Variants in AATK observed in about 807,000 individuals in gnomAD.
AATK encodes lemur tail kinase 1, also known as serine/threonine-protein kinase LMTK1.
A neutral mutation model predicts 114.3 loss-of-function variants in AATK; 91 were observed. The observed-to-expected ratio is 0.80, with a 90% CI of 0.67 to 0.95. The LOEUF is 0.95. Ranked by LOEUF, AATK falls within the 40% of genes least tolerant of loss-of-function variation. The probability of loss-of-function intolerance (pLI) is 0.00; values close to 1 mark genes in which losing one functional copy is unlikely to be tolerated. For synonymous variants in AATK, 1,075 were observed against 916.5 expected (o/e 1.17, Z -3.12); for missense variants, 2,176 against 1,965.2 (o/e 1.11, Z -2.03).
intron 1 of AATK, chr17:81,160,366 G>T: frequency 1.8e-6 from 1 of 548,104 alleles, no homozygotes; most frequent in Non-Finnish European, 2.3e-6. Context: ...CGGTCCCTGC[G>T]GAGGGAGGCT....
chr17:81,136,329 C>A (rs1021789476), intron 1 of AATK: 1 of 152,312 alleles, frequency 6.6e-6, no homozygotes, highest in Non-Finnish European at 1.5e-5. Flanking sequence ...AGCCCTGGGG[C>A]TGGACAGGCC....
chr17:81,141,359 G>A (rs2061135557), intron 1 of AATK, among the ~76,000 whole-genome samples: 1 of 152,230 alleles, frequency 6.6e-6, no homozygotes, highest in Non-Finnish European at 1.5e-5. Flanking sequence ...GCTGAGGCAG[G>A]AGAATTGCTG....
At chr17:81,138,093 C>T (rs1224042022) in intron 1 of AATK, among the ~76,000 whole-genome samples, 3 of 150,876 alleles carry the variant, frequency 2.0e-5, no homozygotes, top group Admixed American at 6.6e-5. Flanking sequence ...TGTGCACACA[C>T]GCGGACACAT....
At chr17:81,147,650 G>A (rs945337313) in intron 1 of AATK, among the ~76,000 whole-genome samples, 173 of 152,234 alleles carry the variant, frequency 1.1e-3, no homozygotes, top group Non-Finnish European at 6.0e-4. Flanking sequence ...CAGCTACTCC[G>A]GAGGCTGAGG....
At position 81,121,237 on chromosome 17, in the gene AATK, G is replaced by C. The variant is rs1043287564; in HGVS notation, c.2699C>G (p.Pro900Arg). The change falls in exon 11 of 14, where the codon CCC (proline) becomes CGC (arginine). Residue 900 changes from proline (P) to arginine (R), a missense_variant. By Grantham distance (103) the Pro-to-Arg change is moderately radical. Around this residue, in one of 4 missense-constraint regions of AATK, gnomAD observed 1,701 missense variants for 1,394.7 expected, o/e 1.22. Coordinates refer to ENST00000326724, the MANE Select transcript of AATK (RefSeq NM_001080395.3). ...FRSLQKQVGTPDSLDSLDIPS... is the reference protein window; with the variant it reads ...FRSLQKQVGTRDSLDSLDIPS... ...GATGTCCAGGGAGTCCAGGGAGTCG[G>C]GGGTCCCCACCTGCTTCTGCAGAGA... The C allele has an allele frequency of 6.2e-7, 1 of 1,607,098 alleles. No homozygotes were observed.
At chr17:81,129,544 AC>A (rs779800191) in intron 3 of AATK, among the ~76,000 whole-genome samples, 4 of 152,056 alleles carry the variant, frequency 2.6e-5, no homozygotes, top group Non-Finnish European at 5.9e-5. Context: ...TTCTGACCTC[AC>A]CCCAATCTCT....
chr17:81,139,008 C>T (rs1181299996), intron 1 of AATK, among the ~76,000 whole-genome samples: 2 of 151,312 alleles, frequency 1.3e-5, no homozygotes, highest in Non-Finnish European at 3.0e-5. Context: ...CATGCACGCA[C>T]CCCACACACC....
chr17:81,163,016 T>A (rs1378472737), intron 1 of AATK, among the ~76,000 whole-genome samples: 1 of 152,194 alleles, frequency 6.6e-6, no homozygotes, highest in Admixed American at 6.5e-5. Flanking sequence ...ATCACAGCCA[T>A]TCCCACCTTA....
chr17:81,125,432 C>T (rs1023729094), intron 7 of AATK: 22 of 444,654 alleles, frequency 4.9e-5, no homozygotes, highest in Non-Finnish European at 8.5e-5. Context: ...CCTGGAGTGT[C>T]CCAGGGGTCC....
chr17:81,121,663 G>A lies in AATK; in HGVS notation c.2273C>T (p.Pro758Leu), dbSNP rs1457274515. The change falls in exon 11 of 14, where the codon CCC becomes CTC. Residue 758 changes from proline (P) to leucine (L), a missense_variant. Pro to Leu is a moderately conservative substitution (Grantham distance 98). Transcript: ENST00000326724. Reference protein sequence around the residue: ...LCSAQGLAPAPCLVTPSWTET... With the variant: ...LCSAQGLAPALCLVTPSWTET... ...TGTCCAGGAGGGTGTAACCAGGCAG[G>A]GAGCAGGTGCCAGGCCCTGGGCAGA... 2.7e-6 allele frequency: 4 copies of A among 1,499,418 alleles called. No individual in the cohort carries two copies. The highest frequency in any genetic ancestry group is 4.5e-5 in the Admixed American group (2 of 44,032). The allele number at this position is 1,499,418 out of a possible 1,614,324, so 92.9% of individuals were successfully genotyped here.
chr17:81,125,965 G>A (rs753488014), intron 7 of AATK: 16 of 479,748 alleles, frequency 3.3e-5, no homozygotes, highest in Admixed American at 4.5e-5. Flanking sequence ...GCCGTGCGGC[G>A]TCTGGGGCTG....
intron 2 of AATK, among the ~76,000 whole-genome samples, chr17:81,133,692 C>A (rs1013498283): frequency 6.6e-6 from 1 of 152,012 alleles, no homozygotes; most frequent in Non-Finnish European, 1.5e-5. Context: ...CTCAGAGTTA[C>A]AGCTGGAGGT....
In AATK at chr17:81,122,103, C is replaced by T. The variant is rs752036027; in HGVS notation, c.1833G>A (p.Ser611=). The change falls in exon 11 of 14, where the codon TCG becomes TCA. Residue 611 remains serine (S), a synonymous_variant. Coordinates refer to ENST00000326724, the MANE Select transcript of AATK (RefSeq NM_001080395.3). ...RDPLCPSRSP[S]PSAGPLSLAE... The stretch of plus-strand genomic sequence containing the variant: ...CCAGACTCAGGGGCCCCGCCGAGGG[C>T]GAGGGAGAGCGTGAGGGGCAGAGCG... The T allele has an allele frequency of 2.4e-5, 37 of 1,566,862 alleles. No homozygotes were observed. In the East Asian group the frequency reaches 4.2e-4, roughly 18 times the overall value.
rs1397183614 is a variant in AATK at position 81,122,289 on chromosome 17, G to A, written c.1647C>T (p.Gly549=). The A allele has an allele frequency of 1.2e-5, 18 of 1,503,266 alleles. No individual in the cohort carries two copies. Among genetic ancestry groups the A allele is most frequent in the Non-Finnish European group, 1.6e-5 (18 of 1,133,112 alleles). The allele number at this position is 1,503,266 out of a possible 1,614,324, so 93.1% of individuals were successfully genotyped here. ...PAAGHDPDCA[G]CAPSPPATAD... is the part of the protein sequence containing the mutation. Reference sequence around the variant, plus strand: ...CGGTGGCAGGTGGACTGGGGGCGCAGCCGGCGCAGTCAGGGTCGTGGCCGG... The same window carrying A: ...CGGTGGCAGGTGGACTGGGGGCGCAACCGGCGCAGTCAGGGTCGTGGCCGG... Residue 549 remains glycine (G), a synonymous_variant, in exon 11 of 14, where the codon GGC becomes GGT. Transcript: ENST00000326724.
In AATK at chr17:81,137,577, G is replaced by C. The variant is rs1472354012; in HGVS notation, c.56-3076C>G. Among the ~76,000 whole-genome samples, 4 of 152,150 alleles carry C rather than the reference G, an allele frequency of 2.6e-5. No homozygotes were observed. The East Asian group carries it at 7.7e-4, about 29-fold the overall frequency. On this transcript the variant is annotated intron_variant, in intron 1 of 13. Coordinates refer to ENST00000326724, the MANE Select transcript of AATK (RefSeq NM_001080395.3). ...GGCCCCGCTGGCTGTCAGCTTGTAA[G>C]ACAGACCAGGCTCTGACCCCAGATG...
intron 1 of AATK, among the ~76,000 whole-genome samples, chr17:81,149,120 G>A (rs960973822): frequency 2.0e-5 from 3 of 152,134 alleles, no homozygotes; most frequent in Non-Finnish European, 2.9e-5. Context: ...GCATTCCGGG[G>A]CCGGGGCAGC....
chr17:81,119,367 G>T lies in AATK; in HGVS notation c.4084+13C>A, dbSNP rs553900248. 3.8e-6 allele frequency: 3 copies of T among 782,224 alleles called. No homozygotes were observed. 48.5% of individuals were successfully genotyped at this position (782,224 alleles called of 1,614,324 possible). A position where few individuals can be genotyped will look rare whatever the true frequency, so the allele number is the denominator to read the frequency against. ...CCGCGTGCCCTTCTGCCACAGCCCCGCCCAGGCCTCACCTCTCTTGGACTC... is the reference window on the plus strand; with the variant it reads ...CCGCGTGCCCTTCTGCCACAGCCCCTCCCAGGCCTCACCTCTCTTGGACTC... On this transcript the variant is annotated intron_variant, in intron 13 of 13. Transcript: ENST00000326724.
chr17:81,122,895 G>T, intron 10 of AATK, 72 bp from the exon 11 acceptor site: 1 of 1,323,250 alleles, frequency 7.6e-7, no homozygotes, highest in South Asian at 1.6e-5. Flanking sequence ...AGCAGGGATG[G>T]GGGTTCCCCT....
chr17:81,127,104 G>C (rs1402617572), intron 6 of AATK, among the ~76,000 whole-genome samples: 1 of 146,508 alleles, frequency 6.8e-6, no homozygotes, highest in Admixed American at 6.7e-5. Context: ...GGGCAGGGGG[G>C]CGTTGATGGG....
Sources: allele counts gnomAD v4.1 joint callset (sites outside exome capture counted in the v4.1 genomes callset), GRCh38; gene constraint gnomAD v4.1.1; regional missense constraint gnomAD v4.1.1; transcripts MANE v1.5; gene names NCBI Gene and HGNC (gene_info 2026-07-23, HGNC 2026-07-21).